DPP10: variants seen among roughly 807,000 people sequenced by gnomAD.
DPP10 encodes the protein dipeptidyl peptidase like 10.
In DPP10, 33 loss-of-function variants were observed where a neutral mutation model predicts 120.9. That is an observed-to-expected ratio of 0.27 (90% CI 0.21 to 0.37). The LOEUF (loss-of-function observed/expected upper bound fraction) is 0.37, where lower values mean the gene tolerates loss of function less well. Ranked by LOEUF, DPP10 falls within the 10% of genes least tolerant of loss-of-function variation. DPP10 has a pLI of 1.00. For synonymous variants in DPP10, 337 were observed against 326.1 expected, an observed-to-expected ratio of 1.03 and a Z score of -0.36; for missense variants, 816 against 942.8, an observed-to-expected ratio of 0.87 and a Z score of 1.76.
At chr2:115,279,586 G>A (rs535210457) in intron 1 of DPP10, among the ~76,000 whole-genome samples, 20 of 149,044 alleles carry the variant, frequency 1.3e-4, no homozygotes, top group African/African-American at 4.9e-4. Context: ...TCAGACACCA[G>A]AATTTTGGGT....
At chr2:114,749,171 T>G (rs545485254) in intron 1 of DPP10, among the ~76,000 whole-genome samples, 1 of 147,788 alleles carries the variant, frequency 6.8e-6, no homozygotes, top group Non-Finnish European at 1.5e-5. Flanking sequence ...TGAGCATTTT[T>G]TCATGTGTTT....
At chr2:114,789,159 G>A (rs916757955) in intron 1 of DPP10, among the ~76,000 whole-genome samples, 9 of 85,284 alleles carry the variant, frequency 1.1e-4, no homozygotes, top group African/African-American at 4.9e-4. Flanking sequence ...TGGGTTAAGC[G>A]CCATCACTGG....
At chr2:114,917,967 TA>T (rs2106636104) in intron 1 of DPP10, among the ~76,000 whole-genome samples, 1 of 152,206 alleles carries the variant, frequency 6.6e-6, no homozygotes, top group Admixed American at 6.5e-5. Flanking sequence ...GGAATCTAAT[TA>T]AACTAAAGAG....
At chr2:115,177,475 C>A (rs966427045) in intron 1 of DPP10, among the ~76,000 whole-genome samples, 1 of 152,142 alleles carries the variant, frequency 6.6e-6, no homozygotes, top group Non-Finnish European at 1.5e-5. Flanking sequence ...ACACAATCTT[C>A]TTTAATTTCT....
At chr2:115,663,261 T>C (rs1405598405) in intron 5 of DPP10, among the ~76,000 whole-genome samples, 1 of 152,208 alleles carries the variant, frequency 6.6e-6, no homozygotes, top group Non-Finnish European at 1.5e-5. Flanking sequence ...ATATATTTCA[T>C]ATTTAAAAGA....
At chr2:115,408,831 A>G (rs984666568) in intron 3 of DPP10, among the ~76,000 whole-genome samples, 2 of 152,192 alleles carry the variant, frequency 1.3e-5, no homozygotes, top group African/African-American at 4.8e-5. Flanking sequence ...AGTGAGAACT[A>G]TAGCTTTTAG....
chr2:115,381,209 T>C (rs1227511183), intron 3 of DPP10, among the ~76,000 whole-genome samples: 1 of 152,216 alleles, frequency 6.6e-6, no homozygotes, highest in African/African-American at 2.4e-5. Flanking sequence ...GTAGATTTGG[T>C]CTTTTCCCTT....
intron 1 of DPP10, among the ~76,000 whole-genome samples, chr2:115,057,656 G>A (rs138142937): frequency 6.6e-6 from 1 of 152,338 alleles, no homozygotes; most frequent in East Asian, 1.9e-4. Context: ...AAAACACAAA[G>A]CAGCAAGAAA....
intron 1 of DPP10, among the ~76,000 whole-genome samples, chr2:114,924,281 T>G (rs1695429241): frequency 6.6e-6 from 1 of 152,152 alleles, no homozygotes; most frequent in African/African-American, 2.4e-5. Context: ...ATCCTAGCAC[T>G]TTGGGAGGCC....
At chr2:114,834,343 A>G (rs1414905767) in intron 1 of DPP10, among the ~76,000 whole-genome samples, 10 of 151,642 alleles carry the variant, frequency 6.6e-5, no homozygotes, top group Non-Finnish European at 4.4e-5. Flanking sequence ...ATGTATATAA[A>G]AGACATGTCT....
At chr2:115,023,333 A>G (rs961332625) in intron 1 of DPP10, among the ~76,000 whole-genome samples, 6 of 148,746 alleles carry the variant, frequency 4.0e-5, no homozygotes, top group African/African-American at 1.5e-4. Flanking sequence ...TGGGCTAAGG[A>G]CATGAACAGA....
intron 1 of DPP10, among the ~76,000 whole-genome samples, chr2:115,179,797 C>T (rs1000004434): frequency 6.6e-6 from 1 of 152,066 alleles, no homozygotes; most frequent in Non-Finnish European, 1.5e-5. Context: ...ATTTAACAAA[C>T]ACACCAGGAA....
chr2:114,616,982 A>G (rs1374104019), intron 1 of DPP10, among the ~76,000 whole-genome samples: 1 of 152,040 alleles, frequency 6.6e-6, no homozygotes, highest in Non-Finnish European at 1.5e-5. Flanking sequence ...CTAGGTCCCA[A>G]CTCTCCCTTT....
chr2:115,509,016 G>T (rs1356859051), intron 4 of DPP10, among the ~76,000 whole-genome samples: 1 of 152,152 alleles, frequency 6.6e-6, no homozygotes, highest in Non-Finnish European at 1.5e-5. Flanking sequence ...AACAAAGAAT[G>T]CCATGGTAGT....
At chr2:114,987,800 C>CTTTTTTTTTTT (rs1700495315) in intron 1 of DPP10, among the ~76,000 whole-genome samples, 1 of 14,518 alleles carries the variant, frequency 6.9e-5, no homozygotes, top group Non-Finnish European at 1.3e-4. Context: ...AGTGTGGAGA[C>CTTTTTTTTTTT]TGTCTTTTTT....
At position 115,674,317 on chromosome 2, in the gene DPP10, A is replaced by G. The variant is rs2090115417; in HGVS notation, c.442-15370A>G. Among the ~76,000 whole-genome samples the G allele has an allele frequency of 2.0e-5, 3 of 152,098 alleles. No individual in the cohort carries two copies. In the South Asian group the frequency reaches 6.2e-4, roughly 31 times the overall value. On this transcript the variant is annotated intron_variant, in intron 5 of 25. Coordinates refer to ENST00000410059, the MANE Select transcript of DPP10 (RefSeq NM_020868.6). The stretch of plus-strand genomic sequence containing the variant: ...TCATAAAATCAGTTTTCTAGTGTCA[A>G]CATGGCTTTTGGAATCAAGCACAAG...
intron 7 of DPP10, among the ~76,000 whole-genome samples, chr2:115,696,849 C>T (rs1051847235): frequency 2.0e-5 from 3 of 151,754 alleles, no homozygotes; most frequent in African/African-American, 4.8e-5. Context: ...TTTTTTTAGA[C>T]ATAATTTAAG....
At chr2:114,689,840 CT>C (rs1013065893) in intron 1 of DPP10, among the ~76,000 whole-genome samples, 8 of 150,510 alleles carry the variant, frequency 5.3e-5, no homozygotes, top group East Asian at 2.0e-4. Context: ...TGATGCTGAG[CT>C]TTTTTTTTCA....
At chr2:115,671,152 T>C (rs2089842303) in intron 5 of DPP10, among the ~76,000 whole-genome samples, 1 of 152,060 alleles carries the variant, frequency 6.6e-6, no homozygotes, top group African/African-American at 2.4e-5. Flanking sequence ...TTTCAAAGTA[T>C]TTGAATTCTA....
Sources: gnomAD v4.1 joint callset for allele counts (sites outside exome capture counted in the v4.1 genomes callset) on GRCh38, gnomAD v4.1.1 for gene constraint, MANE v1.5 for transcripts, NCBI Gene and HGNC (gene_info 2026-07-23, HGNC 2026-07-21) for gene names.